EPS8L3: variants seen among roughly 807,000 people sequenced by gnomAD.
EPS8L3 encodes epidermal growth factor receptor kinase substrate 8-like protein 3.
In EPS8L3, 80 loss-of-function variants were observed where a neutral mutation model predicts 88.5. The ratio of observed to expected loss-of-function variants is 0.90; its 90% CI spans 0.75 to 1.09. The LOEUF (loss-of-function observed/expected upper bound fraction) is 1.09, where lower values mean the gene tolerates loss of function less well. Among genes scored for constraint, EPS8L3 ranks in the 50% least tolerant of loss-of-function variants. The pLI, the probability that EPS8L3 is intolerant of heterozygous loss-of-function variation, is 0.00. For synonymous variants in EPS8L3, 286 were observed against 291.0 expected (o/e 0.98, Z 0.18); for missense variants, 721 against 735.2 (o/e 0.98, Z 0.22).
Position 109,750,272 on chromosome 1 carries a change from G to A in EPS8L3, c.*119C>T, listed in dbSNP as rs1570670817. On this transcript the variant is annotated 3_prime_UTR_variant, in exon 19 of 19. Coordinates refer to ENST00000361965, the MANE Select transcript of EPS8L3 (RefSeq NM_133181.4). ...TCCATTGTTTTTGCTGTGTGAGCTG[G>A]GGTGTGGGGTTTGCTGCAAACTGGG... The A allele has an allele frequency of 2.5e-6, 3 of 1,221,062 alleles. No homozygotes were observed. 75.6% of individuals were successfully genotyped at this position (1,221,062 alleles called of 1,614,324 possible).
At chr1:109,754,128 TG>T (rs57899572) in intron 12 of EPS8L3, among the ~76,000 whole-genome samples, 7,573 of 152,240 alleles carry the variant, frequency 0.05, 596 homozygotes, top group African/African-American at 0.17. Flanking sequence ...CCGTATAAGC[TG>T]TCATCCTATT....
chr1:109,754,310 C>A (rs1243514961), intron 12 of EPS8L3, among the ~76,000 whole-genome samples: 6 of 152,210 alleles, frequency 3.9e-5, no homozygotes, highest in African/African-American at 1.4e-4. Flanking sequence ...TGTATGGTCT[C>A]TGTCCTTCTG....
intron 3 of EPS8L3, among the ~76,000 whole-genome samples, chr1:109,760,886 T>C (rs1440784453): frequency 6.6e-6 from 1 of 152,114 alleles, no homozygotes; most frequent in African/African-American, 2.4e-5. Context: ...TGCTTCGCCT[T>C]CACCTTGGTG....
intron 3 of EPS8L3, among the ~76,000 whole-genome samples, chr1:109,761,020 C>G (rs1650876162): frequency 6.6e-6 from 1 of 152,100 alleles, no homozygotes; most frequent in African/African-American, 2.4e-5. Flanking sequence ...GAGGCTTGGG[C>G]CCAGGTGCCT....
rs565076143 is a variant in EPS8L3, at chr1:109,761,361, C to T, written c.96+134G>A. The T allele has an allele frequency of 2.1e-4, 152 of 737,218 alleles. 1 individual carries two copies. The highest frequency in any genetic ancestry group is 8.1e-4 in the South Asian group (45 of 55,524). 45.7% of individuals were successfully genotyped at this position (737,218 alleles called of 1,614,324 possible). A position where few individuals can be genotyped will look rare whatever the true frequency, so the allele number is the denominator to read the frequency against. ...CAGGCTTGTTGGATCTGAGTCCATG[C>T]GACATGGTTGGGACAGGCTGTTGGC... On this transcript the variant is annotated intron_variant, in intron 3 of 18. Coordinates refer to ENST00000361965, the MANE Select transcript of EPS8L3 (RefSeq NM_133181.4).
intron 12 of EPS8L3, among the ~76,000 whole-genome samples, chr1:109,756,527 G>A (rs555236315): frequency 8.3e-5 from 12 of 145,108 alleles, no homozygotes; most frequent in African/African-American, 2.9e-4. Flanking sequence ...ATGAGCCACC[G>A]CACTGGCCCT....
intron 9 of EPS8L3, 30 bp from the exon 10 acceptor site, chr1:109,757,893 G>C (rs1330975082): frequency 6.8e-6 from 11 of 1,613,678 alleles, no homozygotes; most frequent in Non-Finnish European, 9.3e-6. Flanking sequence ...CGGTGGGCCA[G>C]AGATCACCCT....
chr1:109,762,670 C>G (rs1053313191), intron 1 of EPS8L3, among the ~76,000 whole-genome samples: 1 of 152,190 alleles, frequency 6.6e-6, no homozygotes, highest in Non-Finnish European at 1.5e-5. Flanking sequence ...ACGGCGTTAC[C>G]TTCAGTCACT....
At chr1:109,763,539 C>T (rs78096967) in intron 1 of EPS8L3, among the ~76,000 whole-genome samples, 6,158 of 152,256 alleles carry the variant, frequency 0.04, 160 homozygotes, top group Non-Finnish European at 0.063. Flanking sequence ...CCATTTCCCC[C>T]CTTTAAGCCC....
Position 109,759,309 on chromosome 1 carries a change from G to C in EPS8L3, c.334C>G (p.Leu112Val). 3.7e-6 allele frequency: 6 copies of C among 1,614,202 alleles called. No homozygotes were observed. The highest frequency in any genetic ancestry group is 5.1e-6 in the Non-Finnish European group (6 of 1,180,030). Residue 112 changes from leucine (L) to valine (V), a missense_variant, in exon 5 of 19, where the codon CTG becomes GTG. Physicochemically the swap from Leu to Val is conservative, Grantham distance 32. Transcript: ENST00000361965. This position sits in a 1 kb window ranked among gnomAD's most constrained non-coding sequence, Gnocchi z 4.2. ...CCCGGCTCCTGCACGGTGATGGACA[G>C]GATGGAGTTGTAGGAACATGTGTTG... Reference protein sequence around the residue: ...ALNTCSYNSILSITVQEPGLP... With the variant: ...ALNTCSYNSIVSITVQEPGLP...
chr1:109,761,440 C>A, intron 3 of EPS8L3, 55 bp downstream of exon 3: 2 of 1,509,868 alleles, frequency 1.3e-6, no homozygotes, highest in Non-Finnish European at 1.8e-6. Flanking sequence ...GCGGTGGGCA[C>A]ATGGGAACAC....
rs773633202 is a variant in EPS8L3 at position 109,759,177 on chromosome 1, GTGT to G, written c.405+58_405+60del. 15 of 1,468,702 alleles carry G rather than the reference GTGT, an allele frequency of 1.0e-5. No individual in the cohort carries two copies. The highest frequency in any genetic ancestry group is 1.6e-5 in the African/African-American group (1 of 63,062). The allele number at this position is 1,468,702 out of a possible 1,614,324, so 91.0% of individuals were successfully genotyped here. ...TGTGTGTGTGTGTGTGTGTGTGTGT[GTGT>G]GTGGTGGGGTGATGGTCGATGAACC... On this transcript the variant is annotated intron_variant, in intron 5 of 18. Coordinates refer to ENST00000361965, the MANE Select transcript of EPS8L3 (RefSeq NM_133181.4). The surrounding 1 kb of genome is among the most constrained non-coding windows in gnomAD (Gnocchi z 4.2).
chr1:109,757,863 C>T lies in EPS8L3; in HGVS notation c.833G>A (p.Gly278Asp), dbSNP rs376091285. 22 of 1,613,992 alleles carry T rather than the reference C, an allele frequency of 1.4e-5. No individual in the cohort carries two copies. In the African/African-American group the frequency reaches 2.1e-4, roughly 16 times the overall value. ...GTCAATGTACTGTGCCTGGGTGAGA[C>T]CTGGGAGAAGGGGCCAAGACGGTGG... ...KFGKKNKDQG[G>D]LTQAQYIDCF... The change falls in exon 10 of 19, where the codon GGT becomes GAT. Residue 278 changes from glycine (G) to aspartate (D), a missense_variant and splice_region_variant. Coordinates refer to ENST00000361965, the MANE Select transcript of EPS8L3 (RefSeq NM_133181.4).
At chr1:109,752,295 T>G (rs1360103118) in intron 14 of EPS8L3, 102 bp from the exon 15 acceptor site, 1 of 1,190,444 alleles carries the variant, frequency 8.4e-7, no homozygotes, top group Non-Finnish European at 1.2e-6. Context: ...TGCAGTCTGA[T>G]GGTGACTTTT....
At chr1:109,752,759 G>A (rs1557989233) in intron 13 of EPS8L3, 39 bp from the exon 14 acceptor site, 5 of 1,540,384 alleles carry the variant, frequency 3.2e-6, no homozygotes, top group Non-Finnish European at 4.4e-6. Context: ...AGAGCAGGAG[G>A]CAGCCAGCAT....
At position 109,759,047 on chromosome 1, in the gene EPS8L3, G is replaced by A. The variant is rs1480183737; in HGVS notation, c.461+15C>T. 6.3e-7 allele frequency: 1 copy of A among 1,589,736 alleles called. No homozygotes were observed. The highest frequency in any genetic ancestry group is 8.6e-7 in the Non-Finnish European group (1 of 1,168,480). On this transcript the variant is annotated intron_variant, in intron 6 of 18. Coordinates refer to ENST00000361965, the MANE Select transcript of EPS8L3 (RefSeq NM_133181.4). The surrounding 1 kb of genome is among the most constrained non-coding windows in gnomAD (Gnocchi z 4.2). ...CTGGGAGGCCCCATAGGTGGGCTGG[G>A]CAGAGGCTGCCTACCTTTGCTCCAG...
intron 10 of EPS8L3, 47 bp downstream of exon 10, chr1:109,757,755 G>T: frequency 1.3e-6 from 2 of 1,575,874 alleles, no homozygotes; most frequent in Non-Finnish European, 1.7e-6. Context: ...TTACTGGGGA[G>T]GAAGGGGAAG....
chr1:109,760,967 T>G (rs1159425805), intron 3 of EPS8L3, among the ~76,000 whole-genome samples: 4 of 152,098 alleles, frequency 2.6e-5, no homozygotes, highest in Non-Finnish European at 2.9e-5. Context: ...AGAGACTCCA[T>G]TCTAGCCTTG....
At chr1:109,762,507 T>C (rs1429794231) in intron 1 of EPS8L3, among the ~76,000 whole-genome samples, 1 of 152,200 alleles carries the variant, frequency 6.6e-6, no homozygotes, top group African/African-American at 2.4e-5. Flanking sequence ...AATGCTGCAC[T>C]GGACCTTGTA....
Sources: allele counts gnomAD v4.1 joint callset (sites outside exome capture counted in the v4.1 genomes callset), GRCh38; gene constraint gnomAD v4.1.1; non-coding constraint Gnocchi (gnomAD v3.1); transcripts MANE v1.5; gene names NCBI Gene and HGNC (gene_info 2026-07-23, HGNC 2026-07-21).